The following CSMD1 variants were observed in gnomAD, a reference collection of about 807,000 sequenced individuals.
The protein encoded by CSMD1 is CUB and Sushi multiple domains 1.
In CSMD1, 213 loss-of-function variants were observed where a neutral mutation model predicts 417.5. That is an observed-to-expected ratio of 0.51 (90% confidence interval 0.46 to 0.57). CSMD1 has a LOEUF of 0.57. Among genes scored for constraint, CSMD1 ranks in the 20% least tolerant of loss-of-function variants. The probability of loss-of-function intolerance (pLI) is 0.00; values close to 1 mark genes in which losing one functional copy is unlikely to be tolerated. For synonymous variants in CSMD1, 2,862 were observed against 1,736.8 expected, an observed-to-expected ratio of 1.65 and a Z score of -16.11; for missense variants, 6,923 against 4,529.7, an observed-to-expected ratio of 1.53 and a Z score of -15.17.
chr8:4,434,299 G>C (rs1372884848), intron 2 of CSMD1, among the ~76,000 whole-genome samples: 2 of 152,138 alleles, frequency 1.3e-5, no homozygotes, highest in East Asian at 1.9e-4. Context: ...CTTGGAGATG[G>C]AGGTTGCAGT....
At chr8:4,438,229 C>T (rs988388731) in intron 2 of CSMD1, among the ~76,000 whole-genome samples, 1 of 152,122 alleles carries the variant, frequency 6.6e-6, no homozygotes, top group Non-Finnish European at 1.5e-5. Context: ...ATAATCTCAA[C>T]CCAAGCCGTC....
intron 10 of CSMD1, among the ~76,000 whole-genome samples, chr8:3,546,915 G>C (rs1233802780): frequency 1.3e-5 from 2 of 152,212 alleles, no homozygotes; most frequent in African/African-American, 4.8e-5. Flanking sequence ...TGCTGCTTGA[G>C]TTTAGATGGA....
At chr8:4,820,713 A>G (rs756920546) in intron 1 of CSMD1, among the ~76,000 whole-genome samples, 10 of 152,186 alleles carry the variant, frequency 6.6e-5, no homozygotes, top group Non-Finnish European at 1.0e-4. Flanking sequence ...TGCATAGCTC[A>G]TGGACTAATA....
intron 10 of CSMD1, among the ~76,000 whole-genome samples, chr8:3,554,571 C>CTA (rs2116807196): frequency 6.6e-6 from 1 of 152,316 alleles, no homozygotes; most frequent in South Asian, 2.1e-4. Flanking sequence ...CATGAAGAAG[C>CTA]TACAGCCCCT....
chr8:4,243,818 T>C (rs985141916), intron 3 of CSMD1, among the ~76,000 whole-genome samples: 5 of 152,164 alleles, frequency 3.3e-5, no homozygotes, highest in African/African-American at 1.2e-4. Context: ...ATCTTTACAA[T>C]GAAACAAAGA....
intron 3 of CSMD1, among the ~76,000 whole-genome samples, chr8:4,063,487 T>G (rs1353855207): frequency 2.6e-5 from 4 of 152,198 alleles, no homozygotes; most frequent in African/African-American, 7.2e-5. Context: ...ATGCGTCTAT[T>G]AAATAAAACA....
chr8:4,430,492 G>C (rs1420997371), intron 2 of CSMD1, among the ~76,000 whole-genome samples: 1 of 152,024 alleles, frequency 6.6e-6, no homozygotes, highest in Non-Finnish European at 1.5e-5. Context: ...ATCATAATTT[G>C]CACTAAACAA....
chr8:4,121,794 T>A (rs1802501990), intron 3 of CSMD1, among the ~76,000 whole-genome samples: 1 of 152,072 alleles, frequency 6.6e-6, no homozygotes, highest in Non-Finnish European at 1.5e-5. Flanking sequence ...GTACATCACT[T>A]ATTTTCTAAT....
intron 47 of CSMD1, among the ~76,000 whole-genome samples, 183 bp downstream of exon 47, chr8:3,096,666 G>A (rs1484720215): frequency 6.6e-6 from 1 of 152,140 alleles, no homozygotes; most frequent in African/African-American, 2.4e-5. Flanking sequence ...ATATGGTAAT[G>A]TTTTACAGAC....
At chr8:4,349,453 A>G (rs996725886) in intron 3 of CSMD1, among the ~76,000 whole-genome samples, 2 of 152,186 alleles carry the variant, frequency 1.3e-5, no homozygotes, top group Admixed American at 6.5e-5. Flanking sequence ...ACAACTAGTG[A>G]TATGTCTCAG....
chr8:4,360,408 G>A (rs1476320105), intron 3 of CSMD1, among the ~76,000 whole-genome samples: 2 of 152,140 alleles, frequency 1.3e-5, no homozygotes, highest in African/African-American at 4.8e-5. Flanking sequence ...CTATAAAACA[G>A]TATTTGTGGA....
chr8:4,208,150 A>C (rs932537061), intron 3 of CSMD1, among the ~76,000 whole-genome samples: 1 of 152,180 alleles, frequency 6.6e-6, no homozygotes, highest in Non-Finnish European at 1.5e-5. Flanking sequence ...ACATATCCAA[A>C]CATATTGTGG....
At chr8:4,353,114 G>C (rs527545545) in intron 3 of CSMD1, among the ~76,000 whole-genome samples, 1 of 152,084 alleles carries the variant, frequency 6.6e-6, no homozygotes, top group Non-Finnish European at 1.5e-5. Context: ...ATAACATTCG[G>C]TTTATGTTCT....
intron 3 of CSMD1, among the ~76,000 whole-genome samples, chr8:4,047,344 GC>G (rs1369857032): frequency 6.6e-6 from 1 of 152,166 alleles, no homozygotes; most frequent in Non-Finnish European, 1.5e-5. Flanking sequence ...TCTACCCAAA[GC>G]CCTTGGGAAC....
chr8:4,140,706 T>A (rs1431753353), intron 3 of CSMD1, among the ~76,000 whole-genome samples: 1 of 150,762 alleles, frequency 6.6e-6, no homozygotes, highest in African/African-American at 2.5e-5. Context: ...AACCCATGGA[T>A]GGTGTTCTGG....
chr8:4,510,039 A>G (rs1194209690), intron 2 of CSMD1, among the ~76,000 whole-genome samples: 1 of 152,096 alleles, frequency 6.6e-6, no homozygotes, highest in Admixed American at 6.6e-5. Context: ...GGTGGGAGGT[A>G]ACTCAATCTT....
intron 10 of CSMD1, among the ~76,000 whole-genome samples, chr8:3,509,228 G>C (rs73658143): frequency 0.028 from 4,334 of 152,228 alleles, 160 homozygotes; most frequent in African/African-American, 0.083. Flanking sequence ...AATATTATCT[G>C]GACCCCTTTA....
intron 26 of CSMD1, among the ~76,000 whole-genome samples, chr8:3,273,378 T>C (rs145359729): frequency 0.074 from 11,197 of 152,166 alleles, 497 homozygotes; most frequent in Middle Eastern, 0.11. Context: ...ATCAAGGATA[T>C]TGGTCTAAAA....
At chr8:4,980,197 A>G (rs116375320) in intron 1 of CSMD1, among the ~76,000 whole-genome samples, 4 of 152,338 alleles carry the variant, frequency 2.6e-5, no homozygotes, top group African/African-American at 9.6e-5. Context: ...GCTCTCAGCC[A>G]TCTCCTGAGC....
Sources: gnomAD v4.1 joint callset for allele counts (sites outside exome capture counted in the v4.1 genomes callset) on GRCh38, gnomAD v4.1.1 for gene constraint, MANE v1.5 for transcripts, NCBI Gene and HGNC (gene_info 2026-07-23, HGNC 2026-07-21) for gene names.